Variants in TPTE observed in about 807,000 individuals in gnomAD.
TPTE encodes transmembrane phosphatase with tensin homology.
Under a neutral mutation model 84.1 loss-of-function variants are expected in TPTE, and 59 were observed. The ratio of observed to expected loss-of-function variants is 0.70; its 90% CI spans 0.57 to 0.87. TPTE has a LOEUF of 0.87. TPTE is among the 40% of genes least tolerant of loss of function. The probability of loss-of-function intolerance (pLI) is 0.00; values close to 1 mark genes in which losing one functional copy is unlikely to be tolerated. For missense variants in TPTE, 382 were observed against 659.6 expected, an observed-to-expected ratio of 0.58 and a Z score of 4.61; for synonymous variants, 130 against 223.5, an observed-to-expected ratio of 0.58 and a Z score of 3.73.
intron 10 of TPTE, among the ~76,000 whole-genome samples, chr21:10,562,740 AAAC>A (rs1240673072): frequency 2.3e-4 from 35 of 152,410 alleles, no homozygotes; most frequent in Non-Finnish European, 4.3e-4. Flanking sequence ...AAAGAATAAA[AAAC>A]AACGACGCCT....
At chr21:10,566,774 C>T (rs566305604) in intron 10 of TPTE, among the ~76,000 whole-genome samples, 70 of 152,392 alleles carry the variant, frequency 4.6e-4, no homozygotes, top group African/African-American at 1.6e-3. Context: ...GTCGGGAGTT[C>T]GAGACCAGCC....
At chr21:10,604,511 G>T (rs1479698509) in intron 23 of TPTE, among the ~76,000 whole-genome samples, 53 of 152,306 alleles carry the variant, frequency 3.5e-4, no homozygotes, top group Non-Finnish European at 6.8e-4. Flanking sequence ...GTCCAGCAAG[G>T]CAACAGGAAA....
At chr21:10,538,237 T>C (rs1247471959) in intron 3 of TPTE, among the ~76,000 whole-genome samples, 2 of 152,304 alleles carry the variant, frequency 1.3e-5, no homozygotes, top group Non-Finnish European at 2.9e-5. Flanking sequence ...CCAAATACCA[T>C]CATATTGGAT....
intron 1 of TPTE, 60 bp downstream of exon 1, chr21:10,521,754 T>TG (rs1166633256): frequency 0.032 from 2,520 of 77,934 alleles, no homozygotes; most frequent in African/African-American, 0.12. Context: ...TCCTTTTTGT[T>TG]GGGGGGGGGT....
intron 10 of TPTE, among the ~76,000 whole-genome samples, chr21:10,565,655 G>C (rs1246990530): frequency 6.6e-6 from 1 of 152,298 alleles, no homozygotes; most frequent in Admixed American, 6.5e-5. Context: ...CATAAAAACA[G>C]ACACACAGAC....
chr21:10,560,071 T>A (rs1348959324), intron 9 of TPTE, among the ~76,000 whole-genome samples: 1 of 152,302 alleles, frequency 6.6e-6, no homozygotes, highest in Non-Finnish European at 1.5e-5. Flanking sequence ...AATTTTGGTT[T>A]AAGCTGGACA....
At chr21:10,576,167 A>G (rs9647254) in intron 14 of TPTE, 15,521 of 141,636 alleles carry the variant, frequency 0.11, no homozygotes, top group Non-Finnish European at 0.15. Flanking sequence ...GAGCAAAGAC[A>G]TGGAATCAAC....
chr21:10,563,885 G>A (rs2145684476), intron 10 of TPTE, among the ~76,000 whole-genome samples: 1 of 152,430 alleles, frequency 6.6e-6, no homozygotes, highest in African/African-American at 2.4e-5. Flanking sequence ...TCCAGGTGTG[G>A]TGGCTCACGC....
chr21:10,553,914 ACT>A (rs1212525694), intron 8 of TPTE, among the ~76,000 whole-genome samples: 1 of 152,306 alleles, frequency 6.6e-6, no homozygotes, highest in African/African-American at 2.4e-5. Context: ...TACTTTGAAA[ACT>A]CTGTAGTTCT....
chr21:10,574,368 C>G (rs2075108869), intron 14 of TPTE, among the ~76,000 whole-genome samples: 1 of 152,312 alleles, frequency 6.6e-6, no homozygotes, highest in African/African-American at 2.4e-5. Flanking sequence ...AGAAAATGTC[C>G]TGGATACCTG....
intron 7 of TPTE, among the ~76,000 whole-genome samples, chr21:10,546,133 C>T (rs1360525575): frequency 1.3e-5 from 2 of 152,304 alleles, no homozygotes; most frequent in African/African-American, 4.8e-5. Context: ...ATTTTTCCAA[C>T]AGCGTGTTCT....
chr21:10,572,450 CAAAAAAAAAAA>C (rs58796102), intron 14 of TPTE, among the ~76,000 whole-genome samples: 31 of 131,986 alleles, frequency 2.3e-4, no homozygotes, highest in African/African-American at 7.5e-4. Context: ...AGACTGTATC[CAAAAAAAAAAA>C]AAAAAAAAAA....
intron 14 of TPTE, among the ~76,000 whole-genome samples, chr21:10,571,432 AG>A (rs2075041094): frequency 6.6e-6 from 1 of 152,312 alleles, no homozygotes; most frequent in African/African-American, 2.4e-5. Context: ...AAATCAGTTT[AG>A]GGCCATAAGA....
intron 23 of TPTE, 111 bp from the exon 24 acceptor site, chr21:10,605,306 A>G: frequency 2.1e-6 from 3 of 1,409,168 alleles, no homozygotes; most frequent in South Asian, 2.9e-5. Flanking sequence ...CTGAGGTTCT[A>G]TTCATGGTGA....
intron 3 of TPTE, among the ~76,000 whole-genome samples, chr21:10,532,593 T>C (rs1243161188): frequency 1.3e-5 from 2 of 152,306 alleles, no homozygotes; most frequent in Admixed American, 6.5e-5. Flanking sequence ...GTGTACTCTT[T>C]GCTTTTAACC....
At chr21:10,560,998 T>G in intron 9 of TPTE, 32 bp from the exon 10 acceptor site, 2 of 1,552,500 alleles carry the variant, frequency 1.3e-6, no homozygotes, top group Non-Finnish European at 1.7e-6. Flanking sequence ...TCTTTGCATT[T>G]ATTTATTTAT....
chr21:10,590,739 GTGAGGTCAA>G (rs1377530647), intron 18 of TPTE, among the ~76,000 whole-genome samples: 1 of 152,310 alleles, frequency 6.6e-6, no homozygotes, highest in African/African-American at 2.4e-5. Flanking sequence ...CAGGACTAGA[GTGAGGTCAA>G]TGAGGTGCAA....
intron 7 of TPTE, among the ~76,000 whole-genome samples, chr21:10,551,722 A>G (rs1387044974): frequency 2.6e-5 from 4 of 152,262 alleles, no homozygotes; most frequent in Non-Finnish European, 5.9e-5. Context: ...AACAAAAAAA[A>G]AGAGACCTCA....
rs1600983174 is a variant in TPTE at position 10,597,690 on chromosome 21, C to T, written c.1277-325C>T. 3.9e-5 allele frequency among the ~76,000 whole-genome samples: 6 copies of T among 152,424 alleles called. No homozygotes were observed. In the East Asian group the frequency reaches 1.2e-3, roughly 29 times the overall value. The stretch of plus-strand genomic sequence containing the variant: ...TCGCCCTCCCAAAGTGCTAGGATTA[C>T]AGGTATGAGCCACCATGCCTGGCCT... On this transcript the variant is annotated intron_variant, in intron 20 of 23. Coordinates refer to ENST00000618007, the MANE Select transcript of TPTE (RefSeq NM_199261.4).
Sources: gnomAD v4.1 joint callset for allele counts (sites outside exome capture counted in the v4.1 genomes callset) on GRCh38, gnomAD v4.1.1 for gene constraint, MANE v1.5 for transcripts, NCBI Gene and HGNC (gene_info 2026-07-23, HGNC 2026-07-21) for gene names.